WWOX: variants seen among roughly 807,000 people sequenced by gnomAD.
WWOX encodes the protein WW domain-containing oxidoreductase.
A neutral mutation model predicts 46.2 loss-of-function variants in WWOX; 69 were observed. That is an observed-to-expected ratio of 1.49 (90% CI 1.23 to 1.82). The LOEUF (loss-of-function observed/expected upper bound fraction) is 1.82. Among genes scored for constraint, WWOX ranks in the 40% most tolerant of loss-of-function variants. WWOX has a pLI of 0.00. For missense variants in WWOX, 919 were observed against 542.6 expected (o/e 1.69, Z -6.89); for synonymous variants, 359 against 202.6 (o/e 1.77, Z -6.56).
intron 4 of WWOX, among the ~76,000 whole-genome samples, chr16:78,126,674 C>G (rs1312050495): frequency 6.6e-6 from 1 of 152,176 alleles, no homozygotes; most frequent in Non-Finnish European, 1.5e-5. Context: ...AGAAATTGGC[C>G]TAACTCCTCA....
chr16:78,513,841 G>C (rs758631951), intron 8 of WWOX, among the ~76,000 whole-genome samples: 24 of 151,856 alleles, frequency 1.6e-4, no homozygotes, highest in Non-Finnish European at 2.8e-4. Context: ...CAACCTTACA[G>C]GGAACACTTG....
At chr16:78,678,438 A>T (rs565381298) in intron 8 of WWOX, among the ~76,000 whole-genome samples, 9 of 152,212 alleles carry the variant, frequency 5.9e-5, no homozygotes, top group Admixed American at 2.0e-4. Context: ...TTTGGCCTCA[A>T]TCTTTATAGA....
chr16:78,246,296 A>G (rs1052425654), intron 5 of WWOX, among the ~76,000 whole-genome samples: 4 of 152,196 alleles, frequency 2.6e-5, no homozygotes, highest in Admixed American at 6.5e-5. Context: ...AGCCTCATAT[A>G]ACCCAGTTTG....
chr16:78,499,554 C>G (rs2085006041), intron 8 of WWOX, among the ~76,000 whole-genome samples: 1 of 152,228 alleles, frequency 6.6e-6, no homozygotes, highest in Admixed American at 6.5e-5. Flanking sequence ...GTCCACAATG[C>G]CGGGCGGTGG....
chr16:78,535,929 G>C (rs1023247748), intron 8 of WWOX, among the ~76,000 whole-genome samples: 1 of 152,174 alleles, frequency 6.6e-6, no homozygotes, highest in African/African-American at 2.4e-5. Context: ...AGTGGACCGT[G>C]AGGTTCTGCG....
chr16:78,619,055 G>C (rs1284238456), intron 8 of WWOX, among the ~76,000 whole-genome samples: 1 of 144,228 alleles, frequency 6.9e-6, no homozygotes, highest in Non-Finnish European at 1.5e-5. Context: ...CAGCACTTTG[G>C]GAGGCTGAGG....
At chr16:79,148,435 C>G (rs1217250591) in intron 8 of WWOX, among the ~76,000 whole-genome samples, 1 of 152,156 alleles carries the variant, frequency 6.6e-6, no homozygotes, top group Admixed American at 6.5e-5. Context: ...GTCTGTCTCT[C>G]TGACAATTAT....
At chr16:78,415,827 C>T (rs554972118) in intron 6 of WWOX, among the ~76,000 whole-genome samples, 1 of 152,318 alleles carries the variant, frequency 6.6e-6, no homozygotes, top group African/African-American at 2.4e-5. Context: ...CCGCCCCCAC[C>T]ACTACCACCT....
chr16:78,384,588 C>A (rs886458219), intron 5 of WWOX, among the ~76,000 whole-genome samples: 1 of 152,108 alleles, frequency 6.6e-6, no homozygotes, highest in African/African-American at 2.4e-5. Context: ...GATGTGGCGT[C>A]ACCTTATAGC....
chr16:78,227,187 C>T (rs1472470055), intron 5 of WWOX, among the ~76,000 whole-genome samples: 1 of 152,148 alleles, frequency 6.6e-6, no homozygotes, highest in Non-Finnish European at 1.5e-5. Context: ...TCTTTTTTAT[C>T]CCCAGGTAGA....
chr16:78,155,999 G>T (rs561097722), intron 4 of WWOX, among the ~76,000 whole-genome samples: 1 of 152,166 alleles, frequency 6.6e-6, no homozygotes, highest in African/African-American at 2.4e-5. Context: ...CTTTGTTTCT[G>T]TTCCAAAGGC....
intron 8 of WWOX, among the ~76,000 whole-genome samples, chr16:78,648,414 G>A (rs772391422): frequency 6.6e-6 from 1 of 152,210 alleles, no homozygotes; most frequent in East Asian, 1.9e-4. Flanking sequence ...TTTTGCAGAT[G>A]GTTGTAAGGT....
At chr16:79,099,778 T>G (rs1181800837) in intron 8 of WWOX, among the ~76,000 whole-genome samples, 1 of 152,160 alleles carries the variant, frequency 6.6e-6, no homozygotes, top group Non-Finnish European at 1.5e-5. Flanking sequence ...TTGGTTACAG[T>G]ATGAGAGACA....
At chr16:78,822,435 A>C (rs1274022318) in intron 8 of WWOX, among the ~76,000 whole-genome samples, 1 of 152,204 alleles carries the variant, frequency 6.6e-6, no homozygotes, top group African/African-American at 2.4e-5. Context: ...CAGGGGTTGC[A>C]GTCAGCTGAG....
chr16:78,274,694 C>T (rs1165404971), intron 5 of WWOX, among the ~76,000 whole-genome samples: 1 of 152,164 alleles, frequency 6.6e-6, no homozygotes, highest in African/African-American at 2.4e-5. Context: ...GCTTCACATC[C>T]TTCCTGGACA....
At chr16:79,099,420 CTG>C (rs2049144822) in intron 8 of WWOX, among the ~76,000 whole-genome samples, 1 of 152,188 alleles carries the variant, frequency 6.6e-6, no homozygotes, top group African/African-American at 2.4e-5. Flanking sequence ...GTGGTGGAGA[CTG>C]TGGTAAACTG....
At chr16:79,031,732 C>G (rs2047758700) in intron 8 of WWOX, among the ~76,000 whole-genome samples, 1 of 145,008 alleles carries the variant, frequency 6.9e-6, no homozygotes, top group African/African-American at 2.5e-5. Flanking sequence ...GCTTAATAGG[C>G]TCTCTCTCTG....
intron 5 of WWOX, among the ~76,000 whole-genome samples, chr16:78,286,079 C>G (rs1245636645): frequency 1.3e-5 from 2 of 152,134 alleles, no homozygotes; most frequent in African/African-American, 4.8e-5. Context: ...GGTATTAATC[C>G]TTATTCATTT....
intron 8 of WWOX, among the ~76,000 whole-genome samples, chr16:79,049,661 C>G (rs575025736): frequency 6.6e-6 from 1 of 152,020 alleles, no homozygotes; most frequent in African/African-American, 2.4e-5. Context: ...GATGGCGAAA[C>G]CCCGTCTCTA....
Sources: allele counts gnomAD v4.1 joint callset (sites outside exome capture counted in the v4.1 genomes callset), GRCh38; gene constraint gnomAD v4.1.1; transcripts MANE v1.5; gene names NCBI Gene and HGNC (gene_info 2026-07-23, HGNC 2026-07-21).